The following AGMO variants were observed in gnomAD, a reference collection of about 807,000 sequenced individuals.
The protein encoded by AGMO is glyceryl-ether monooxygenase.
A neutral mutation model predicts 60.2 loss-of-function variants in AGMO; 75 were observed. The ratio of observed to expected loss-of-function variants is 1.25; its 90% CI spans 1.03 to 1.51. The LOEUF (loss-of-function observed/expected upper bound fraction) is 1.51. Among genes scored for constraint, AGMO ranks in the 40% most tolerant of loss-of-function variants. The pLI, the probability that AGMO is intolerant of heterozygous loss-of-function variation, is 0.00. For synonymous variants in AGMO, 261 were observed against 177.1 expected, an observed-to-expected ratio of 1.47 and a Z score of -3.76; for missense variants, 763 against 525.5, an observed-to-expected ratio of 1.45 and a Z score of -4.42.
chr7:15,193,455 A>G, the AGMO span, among the ~76,000 whole-genome samples: 1 of 152,190 alleles, frequency 6.6e-6, no homozygotes, highest in Non-Finnish European at 1.5e-5. Flanking sequence ...TTCTTGGTAC[A>G]TAATATAAGT....
chr7:15,428,358 C>A (rs1781129523), intron 4 of AGMO, among the ~76,000 whole-genome samples: 1 of 152,146 alleles, frequency 6.6e-6, no homozygotes, highest in Non-Finnish European at 1.5e-5. Flanking sequence ...CCGCAGTCCC[C>A]TTCCAAAAAT....
the AGMO span, among the ~76,000 whole-genome samples, chr7:15,171,842 C>T: frequency 6.6e-6 from 1 of 151,948 alleles, no homozygotes; most frequent in African/African-American, 2.4e-5. Context: ...AGATTCATGC[C>T]ACAAATGTAA....
intron 9 of AGMO, among the ~76,000 whole-genome samples, chr7:15,385,932 G>A (rs560322648): frequency 1.3e-5 from 2 of 152,278 alleles, no homozygotes; most frequent in South Asian, 2.1e-4. Context: ...TGTAATCCCA[G>A]CACTTTGGGA....
At chr7:15,436,217 T>C (rs964936348) in intron 3 of AGMO, among the ~76,000 whole-genome samples, 1 of 152,224 alleles carries the variant, frequency 6.6e-6, no homozygotes, top group Non-Finnish European at 1.5e-5. Context: ...TTAGTCCATT[T>C]TGTTCTGCTG....
intron 12 of AGMO, among the ~76,000 whole-genome samples, chr7:15,203,326 C>G (rs1781354516): frequency 6.6e-6 from 1 of 152,098 alleles, no homozygotes; most frequent in East Asian, 1.9e-4. Context: ...TAATCCACCA[C>G]TTTCCACTAA....
At chr7:15,258,750 C>A (rs1039418888) in intron 12 of AGMO, among the ~76,000 whole-genome samples, 1 of 152,002 alleles carries the variant, frequency 6.6e-6, no homozygotes, top group African/African-American at 2.4e-5. Context: ...CATCACAGAA[C>A]TCTTTCTAGA....
chr7:15,452,423 T>C (rs1318401883), intron 3 of AGMO, among the ~76,000 whole-genome samples: 1 of 152,178 alleles, frequency 6.6e-6, no homozygotes, highest in African/African-American at 2.4e-5. Context: ...AAATGGGCAA[T>C]GTATTTCAAT....
At chr7:15,217,572 G>C (rs1182689173) in intron 12 of AGMO, among the ~76,000 whole-genome samples, 2 of 151,818 alleles carry the variant, frequency 1.3e-5, no homozygotes, top group African/African-American at 4.8e-5. Flanking sequence ...AAAATAAATA[G>C]CAGGTAAATT....
chr7:15,420,165 C>G (rs910406966), intron 4 of AGMO, among the ~76,000 whole-genome samples: 1 of 151,932 alleles, frequency 6.6e-6, no homozygotes, highest in African/African-American at 2.4e-5. Flanking sequence ...GAGAAGCAGT[C>G]CCTTGAAATA....
At chr7:15,314,826 G>A (rs1398699086) in intron 12 of AGMO, among the ~76,000 whole-genome samples, 1 of 151,774 alleles carries the variant, frequency 6.6e-6, no homozygotes, top group Non-Finnish European at 1.5e-5. Context: ...CTTATCAACT[G>A]AGCCATCAAA....
intron 12 of AGMO, among the ~76,000 whole-genome samples, chr7:15,227,604 C>G (rs1782126625): frequency 6.6e-6 from 1 of 151,810 alleles, no homozygotes; most frequent in Non-Finnish European, 1.5e-5. Flanking sequence ...ATATGGCCAA[C>G]TGGAGTCTGC....
At position 15,560,124 on chromosome 7, in the gene AGMO, T is replaced by C. The variant is rs372860680; in HGVS notation, c.257+17A>G. 5.0e-6 allele frequency: 8 copies of C among 1,594,288 alleles called. No individual in the cohort carries two copies. In the South Asian group the frequency reaches 5.6e-5, roughly 11 times the overall value. Reference sequence around the variant, plus strand: ...ATTTCAGTTTTTATGCTCAGCGTTGTTGACCATCTAACTCACCTTGGAAGT... The same window carrying C: ...ATTTCAGTTTTTATGCTCAGCGTTGCTGACCATCTAACTCACCTTGGAAGT... On this transcript the variant is annotated intron_variant, in intron 2 of 12. Transcript: ENST00000342526.
chr7:15,413,166 T>C (rs2128492858), intron 5 of AGMO, among the ~76,000 whole-genome samples: 1 of 152,252 alleles, frequency 6.6e-6, no homozygotes, highest in South Asian at 2.1e-4. Flanking sequence ...AAAGCCAAAT[T>C]CTAGAACATA....
the AGMO span, among the ~76,000 whole-genome samples, chr7:15,179,719 TC>T: frequency 6.6e-6 from 1 of 152,172 alleles, no homozygotes; most frequent in Non-Finnish European, 1.5e-5. Context: ...GTGTCTCTGC[TC>T]CTGCAGCAGG....
At chr7:15,424,302 C>T (rs1340731230) in intron 4 of AGMO, among the ~76,000 whole-genome samples, 2 of 152,064 alleles carry the variant, frequency 1.3e-5, no homozygotes, top group African/African-American at 4.8e-5. Flanking sequence ...CCATGACTGG[C>T]CCTGCTAGTC....
chr7:15,432,361 TACACACAC>T (rs1554271578), intron 3 of AGMO, among the ~76,000 whole-genome samples: 2 of 123,932 alleles, frequency 1.6e-5, no homozygotes, highest in African/African-American at 3.0e-5. Flanking sequence ...CATATATATA[TACACACAC>T]ATATATATAT....
At chr7:15,143,654 T>A in the AGMO span, among the ~76,000 whole-genome samples, 33 of 151,874 alleles carry the variant, frequency 2.2e-4, no homozygotes, top group African/African-American at 8.0e-4. Flanking sequence ...GCAGACGGAG[T>A]TGGCACTGAA....
chr7:15,507,737 T>G (rs1446957933), intron 3 of AGMO, among the ~76,000 whole-genome samples: 1 of 152,118 alleles, frequency 6.6e-6, no homozygotes, highest in Non-Finnish European at 1.5e-5. Flanking sequence ...TTTTTAAACA[T>G]TTTTACAGAT....
At chr7:15,163,801 C>G in the AGMO span, among the ~76,000 whole-genome samples, 2 of 151,610 alleles carry the variant, frequency 1.3e-5, no homozygotes, top group African/African-American at 4.8e-5. Context: ...TTGTTGTGCC[C>G]TTGCCTGATT....
Sources: gnomAD v4.1 joint callset for allele counts (sites outside exome capture counted in the v4.1 genomes callset) on GRCh38, gnomAD v4.1.1 for gene constraint, MANE v1.5 for transcripts, NCBI Gene and HGNC (gene_info 2026-07-23, HGNC 2026-07-21) for gene names.